LRP1B: variants seen among roughly 807,000 people sequenced by gnomAD.
LRP1B encodes LDL receptor related protein 1B.
Under a neutral mutation model 556.6 loss-of-function variants are expected in LRP1B, and 217 were observed. The observed-to-expected ratio is 0.39, with a 90% CI of 0.35 to 0.44. The LOEUF (loss-of-function observed/expected upper bound fraction) is 0.44, where lower values mean the gene tolerates loss of function less well. LRP1B is among the 20% of genes least tolerant of loss of function. LRP1B has a pLI of 1.00. For missense variants in LRP1B, 5,053 were observed against 5,620.8 expected (o/e 0.90, Z 3.23); for synonymous variants, 2,047 against 1,865.8 (o/e 1.10, Z -2.50).
At chr2:140,753,634 C>G (rs1688654016) in intron 35 of LRP1B, among the ~76,000 whole-genome samples, 2 of 152,158 alleles carry the variant, frequency 1.3e-5, no homozygotes, top group African/African-American at 4.8e-5. Flanking sequence ...AGAAAATATA[C>G]TAACTCTAGG....
intron 1 of LRP1B, among the ~76,000 whole-genome samples, chr2:142,018,064 A>G (rs1257746019): frequency 3.3e-5 from 5 of 152,098 alleles, no homozygotes; most frequent in African/African-American, 1.2e-4. Flanking sequence ...AGTATAAATA[A>G]TTACGTGCTA....
intron 34 of LRP1B, among the ~76,000 whole-genome samples, chr2:140,769,592 C>T (rs1357588168): frequency 3.3e-5 from 5 of 151,806 alleles, no homozygotes; most frequent in African/African-American, 7.3e-5. Flanking sequence ...AATTAGTGGG[C>T]CCCATCCCAG....
intron 6 of LRP1B, among the ~76,000 whole-genome samples, chr2:141,204,303 T>C (rs575910191): frequency 1.0e-3 from 159 of 152,308 alleles, no homozygotes; most frequent in Middle Eastern, 3.4e-3. Flanking sequence ...AAATGACTTG[T>C]TTAATTTGTT....
At chr2:140,880,733 T>G (rs1693447795) in intron 25 of LRP1B, among the ~76,000 whole-genome samples, 1 of 152,190 alleles carries the variant, frequency 6.6e-6, no homozygotes, top group South Asian at 2.1e-4. Flanking sequence ...AGTGGCTAGT[T>G]GCAAACCTTT....
intron 43 of LRP1B, among the ~76,000 whole-genome samples, chr2:140,569,184 C>T (rs904191011): frequency 6.6e-6 from 1 of 151,756 alleles, no homozygotes; most frequent in Non-Finnish European, 1.5e-5. Context: ...AACAATAAAA[C>T]AATTTAAAAA....
intron 2 of LRP1B, among the ~76,000 whole-genome samples, chr2:141,773,041 CTA>C (rs1694952454): frequency 1.3e-5 from 2 of 152,110 alleles, no homozygotes; most frequent in Admixed American, 1.3e-4. Context: ...ATATATTAAA[CTA>C]GAGTAAATTA....
rs942943021 is a variant in LRP1B, at chr2:140,872,851, G to GA, written c.4170-4589dup. 6.2e-3 allele frequency among the ~76,000 whole-genome samples: 895 copies of GA among 144,086 alleles called. 8 individuals are homozygous for GA. The highest frequency in any genetic ancestry group is 0.02 in the African/African-American group (807 of 39,390). The allele number at this position is 144,086 out of a possible 152,430, so 94.5% of individuals were successfully genotyped here. A position where few individuals can be genotyped will look rare whatever the true frequency, so the allele number is the denominator to read the frequency against. ...TCATGAATCTGAAAGTCTAAGACAA[G>GA]AAAAAAAAAAGGTCTTTATGAATCT... is the stretch of plus-strand genomic sequence containing the variant. On this transcript the variant is annotated intron_variant, in intron 25 of 90. Transcript: ENST00000389484.
At chr2:141,064,979 G>A (rs1463572777) in intron 7 of LRP1B, among the ~76,000 whole-genome samples, 1 of 151,786 alleles carries the variant, frequency 6.6e-6, no homozygotes, top group Non-Finnish European at 1.5e-5. Context: ...TGATTTCCCT[G>A]AGAGACAAAA....
At chr2:141,026,251 A>G (rs1015144157) in intron 11 of LRP1B, among the ~76,000 whole-genome samples, 6 of 152,104 alleles carry the variant, frequency 3.9e-5, no homozygotes, top group Admixed American at 2.6e-4. Context: ...AGTCTACCCT[A>G]TTAGTAGTCA....
At chr2:141,341,681 G>A (rs72977052) in intron 3 of LRP1B, among the ~76,000 whole-genome samples, 2,861 of 152,208 alleles carry the variant, frequency 0.019, 39 homozygotes, top group African/African-American at 0.028. Context: ...CAAAGAATGC[G>A]GATGGAAATA....
chr2:141,685,575 A>T (rs899822219), intron 2 of LRP1B, among the ~76,000 whole-genome samples: 2 of 152,020 alleles, frequency 1.3e-5, no homozygotes, highest in Non-Finnish European at 2.9e-5. Context: ...TAAGTTAAAG[A>T]TTTTATTATA....
At chr2:141,326,627 G>A (rs992679629) in intron 3 of LRP1B, among the ~76,000 whole-genome samples, 2 of 152,152 alleles carry the variant, frequency 1.3e-5, no homozygotes, top group African/African-American at 4.8e-5. Flanking sequence ...GGCACATTTT[G>A]TGGGTTGCTA....
intron 1 of LRP1B, among the ~76,000 whole-genome samples, chr2:141,865,591 CAAAAAAAAAAAA>C (rs78227528): frequency 2.3e-5 from 1 of 43,334 alleles, no homozygotes; most frequent in East Asian, 6.2e-4. Flanking sequence ...GACTCCGTCT[CAAAAAAAAAAAA>C]AAAAGAAAAA....
chr2:141,091,348 C>T (rs555769565), intron 7 of LRP1B, among the ~76,000 whole-genome samples: 51 of 152,176 alleles, frequency 3.4e-4, no homozygotes, highest in Admixed American at 1.6e-3. Context: ...AGACAAGAGG[C>T]TATCAAAATA....
intron 3 of LRP1B, among the ~76,000 whole-genome samples, chr2:141,362,392 T>C (rs537325131): frequency 6.6e-6 from 1 of 152,310 alleles, no homozygotes; most frequent in South Asian, 2.1e-4. Context: ...GGAGGGCATC[T>C]GCAAGTAGCC....
At chr2:141,943,671 GATCT>G (rs1700879070) in intron 1 of LRP1B, among the ~76,000 whole-genome samples, 1 of 151,500 alleles carries the variant, frequency 6.6e-6, no homozygotes, top group Admixed American at 6.6e-5. Context: ...AAAGTTTCTT[GATCT>G]ATTTTTTTTT....
At chr2:141,463,645 ATT>A (rs1682035461) in intron 3 of LRP1B, among the ~76,000 whole-genome samples, 1 of 123,664 alleles carries the variant, frequency 8.1e-6, no homozygotes, top group South Asian at 2.2e-4. Context: ...TATATTATAT[ATT>A]ATATATAATT....
At chr2:140,640,059 G>A (rs187104207) in intron 41 of LRP1B, among the ~76,000 whole-genome samples, 2,646 of 152,154 alleles carry the variant, frequency 0.017, 41 homozygotes, top group Admixed American at 0.047. Context: ...CTGGAGTGCA[G>A]TGGCACGATC....
rs540832022 is a variant in LRP1B at position 142,022,846 on chromosome 2, A to G, written c.82+107802T>C. On this transcript the variant is annotated intron_variant, in intron 1 of 90. Coordinates refer to ENST00000389484, the MANE Select transcript of LRP1B (RefSeq NM_018557.3). ...CCATCACGCCCGGCTAATTTTTTTA[A>G]ATTTTTTTTTAGTAGAGTCGGGGTT... Among the ~76,000 whole-genome samples the G allele has an allele frequency of 2.1e-4, 32 of 151,790 alleles. No homozygotes were observed. In the South Asian group the frequency reaches 4.2e-3, roughly 20 times the overall value.
Sources: gnomAD v4.1 joint callset for allele counts (sites outside exome capture counted in the v4.1 genomes callset) on GRCh38, gnomAD v4.1.1 for gene constraint, MANE v1.5 for transcripts, NCBI Gene and HGNC (gene_info 2026-07-23, HGNC 2026-07-21) for gene names.